FAM193A: variants seen among roughly 807,000 people sequenced by gnomAD.
FAM193A encodes the protein protein FAM193A.
In FAM193A, 22 loss-of-function variants were observed where a neutral mutation model predicts 126.5. That is an observed-to-expected ratio of 0.17 (90% CI 0.12 to 0.25). FAM193A has a LOEUF of 0.25. Among genes scored for constraint, FAM193A ranks in the 10% least tolerant of loss-of-function variants. The pLI, the probability that FAM193A is intolerant of heterozygous loss-of-function variation, is 1.00. For synonymous variants in FAM193A, 761 were observed against 646.8 expected (o/e 1.18, Z -2.68); for missense variants, 1,675 against 1,672.8 (o/e 1.00, Z -0.02).
At chr4:2,675,815 G>T (rs1252348996) in intron 13 of FAM193A, among the ~76,000 whole-genome samples, 1 of 151,944 alleles carries the variant, frequency 6.6e-6, no homozygotes, top group Non-Finnish European at 1.5e-5. Flanking sequence ...CCCAGCCCTG[G>T]GCATCCATTA....
intron 6 of FAM193A, among the ~76,000 whole-genome samples, chr4:2,644,155 G>C (rs1300411426): frequency 6.6e-6 from 1 of 152,170 alleles, no homozygotes; most frequent in East Asian, 1.9e-4. Flanking sequence ...AGCTTTGCTT[G>C]CAGGGAAGCC....
intron 12 of FAM193A, 147 bp from the exon 13 acceptor site, chr4:2,671,974 A>G (rs1713850328): frequency 4.0e-6 from 3 of 749,104 alleles, no homozygotes; most frequent in South Asian, 3.6e-5. Context: ...TTTTCCTTGC[A>G]TGGAAGGCCC....
intron 2 of FAM193A, among the ~76,000 whole-genome samples, chr4:2,622,606 T>G (rs1742624409): frequency 6.6e-6 from 1 of 152,190 alleles, no homozygotes; most frequent in South Asian, 2.1e-4. Flanking sequence ...CTAAGCTGCT[T>G]GTAAACAGCG....
chr4:2,680,642 T>C (rs940422870), intron 13 of FAM193A, among the ~76,000 whole-genome samples: 38 of 149,710 alleles, frequency 2.5e-4, no homozygotes, highest in Admixed American at 2.0e-4. Flanking sequence ...CAGCCAATAC[T>C]TACTTACTTT....
At chr4:2,692,529 CAG>C (rs774648200) in intron 15 of FAM193A, among the ~76,000 whole-genome samples, 41 of 152,324 alleles carry the variant, frequency 2.7e-4, no homozygotes, top group Middle Eastern at 3.4e-3. Context: ...CACCATGAAA[CAG>C]AGAGACACTG....
rs1740490429 is a variant in FAM193A at position 2,590,491 on chromosome 4, A to AC, written c.256-5593_256-5592insC. On this transcript the variant is annotated intron_variant, in intron 1 of 20. Coordinates refer to ENST00000637812, the MANE Select transcript of FAM193A (RefSeq NM_001366318.2). ...AAAAAAAAAACAAAAAAAAACAAAA[A>AC]AAAACAAAAAAAAACAAAAAAAAAA... 1.9e-5 allele frequency among the ~76,000 whole-genome samples: 2 copies of AC among 102,708 alleles called. 1 individual carries two copies. Among genetic ancestry groups the AC allele is most frequent in the African/African-American group, 1.3e-4 (2 of 15,104 alleles). The allele number at this position is 102,708 out of a possible 152,430, so 67.4% of individuals were successfully genotyped here.
At chr4:2,665,193 A>G (rs1028214594) in intron 12 of FAM193A, among the ~76,000 whole-genome samples, 1 of 152,186 alleles carries the variant, frequency 6.6e-6, no homozygotes, top group African/African-American at 2.4e-5. Flanking sequence ...TGTGTCTGGA[A>G]TATATAAGTA....
At chr4:2,621,191 C>T (rs999556233) in intron 2 of FAM193A, among the ~76,000 whole-genome samples, 12 of 152,098 alleles carry the variant, frequency 7.9e-5, no homozygotes, top group East Asian at 1.9e-4. Context: ...TCTTCTTCAC[C>T]GTCCCTGTAG....
chr4:2,657,062 G>A (rs1711784083), intron 7 of FAM193A, among the ~76,000 whole-genome samples: 1 of 152,182 alleles, frequency 6.6e-6, no homozygotes, highest in Admixed American at 6.5e-5. Context: ...AGCTAACTCA[G>A]GAGGCTGAAG....
intron 7 of FAM193A, among the ~76,000 whole-genome samples, chr4:2,652,567 G>A (rs977496690): frequency 6.6e-6 from 1 of 152,142 alleles, no homozygotes; most frequent in East Asian, 1.9e-4. Flanking sequence ...AGGAGGAAGG[G>A]GGGTGGGGAG....
chr4:2,712,843 CTGTAA>C (rs1489148181), intron 19 of FAM193A, among the ~76,000 whole-genome samples: 1 of 151,920 alleles, frequency 6.6e-6, no homozygotes, highest in African/African-American at 2.4e-5. Flanking sequence ...TGGCTCATGC[CTGTAA>C]TCCCAGCACT....
intron 20 of FAM193A, chr4:2,719,956 A>ATT (rs758113607): frequency 8.6e-5 from 25 of 290,616 alleles, no homozygotes; most frequent in South Asian, 1.9e-4. Flanking sequence ...TGCCTGGCTA[A>ATT]TTTTTTTTTT....
intron 7 of FAM193A, among the ~76,000 whole-genome samples, chr4:2,651,296 C>T (rs1745639768): frequency 6.6e-6 from 1 of 152,110 alleles, no homozygotes; most frequent in African/African-American, 2.4e-5. Flanking sequence ...TGCCATTGCA[C>T]TCCAGCCTAG....
At chr4:2,545,210 C>G (rs865785696) in intron 1 of FAM193A, among the ~76,000 whole-genome samples, 1 of 152,208 alleles carries the variant, frequency 6.6e-6, no homozygotes, top group Non-Finnish European at 1.5e-5. Context: ...CCAGGCTGGC[C>G]TTGAACTCCT....
intron 6 of FAM193A, among the ~76,000 whole-genome samples, chr4:2,646,206 G>A (rs1207739603): frequency 9.2e-6 from 1 of 109,204 alleles, no homozygotes; most frequent in Non-Finnish European, 1.7e-5. Flanking sequence ...TTCTCGCTCT[G>A]TTGCCCAGGC....
chr4:2,636,642 G>A (rs1744119277), intron 5 of FAM193A, among the ~76,000 whole-genome samples: 1 of 152,172 alleles, frequency 6.6e-6, no homozygotes, highest in African/African-American at 2.4e-5. Flanking sequence ...TATAAAAAAT[G>A]ATATTTGTTT....
At chr4:2,584,462 T>A (rs1192065547) in intron 1 of FAM193A, among the ~76,000 whole-genome samples, 1 of 151,426 alleles carries the variant, frequency 6.6e-6, no homozygotes, top group Non-Finnish European at 1.5e-5. Flanking sequence ...TAAAGAATAT[T>A]TCTTACTGTT....
chr4:2,691,098 CT>C, intron 15 of FAM193A, 128 bp downstream of exon 15: 1 of 811,790 alleles, frequency 1.2e-6, no homozygotes, highest in South Asian at 1.8e-5. Flanking sequence ...GTGTAATTAA[CT>C]GCCCAAAAAT....
At chr4:2,722,025 A>G (rs887434338) in intron 20 of FAM193A, among the ~76,000 whole-genome samples, 1 of 152,190 alleles carries the variant, frequency 6.6e-6, no homozygotes, top group African/African-American at 2.4e-5. Flanking sequence ...CCATACTAAC[A>G]TTTAGGATGT....
Sources: allele counts gnomAD v4.1 joint callset (sites outside exome capture counted in the v4.1 genomes callset), GRCh38; gene constraint gnomAD v4.1.1; transcripts MANE v1.5; gene names NCBI Gene and HGNC (gene_info 2026-07-23, HGNC 2026-07-21).